The following RFX3 variants were observed in gnomAD, a reference collection of about 807,000 sequenced individuals.
RFX3 encodes regulatory factor X3.
RFX3 carries 14 observed loss-of-function variants against 98.6 expected under a neutral mutation model. The ratio of observed to expected loss-of-function variants is 0.14; its 90% confidence interval spans 0.09 to 0.22. The LOEUF is 0.22. RFX3 is among the 10% of genes least tolerant of loss of function. RFX3 has a pLI of 1.00. For missense variants in RFX3, 639 were observed against 926.9 expected (o/e 0.69, Z 4.03); for synonymous variants, 383 against 328.4 (o/e 1.17, Z -1.80).
At chr9:3,372,619 C>G (rs1311190787) in intron 2 of RFX3, among the ~76,000 whole-genome samples, 1 of 149,374 alleles carries the variant, frequency 6.7e-6, no homozygotes, top group East Asian at 2.0e-4. Context: ...GTGATCTTGG[C>G]TCACTGCAAC....
chr9:3,432,117 C>T (rs781599083), intron 1 of RFX3, among the ~76,000 whole-genome samples: 1 of 152,118 alleles, frequency 6.6e-6, no homozygotes, highest in African/African-American at 2.4e-5. Context: ...AAGATGAGAA[C>T]AGCTTTCTGG....
rs1469872923 is a variant in RFX3 at position 3,511,383 on chromosome 9, T to C, written c.-9+14364A>G. Among the ~76,000 whole-genome samples, 3 of 151,898 alleles carry C rather than the reference T, an allele frequency of 2.0e-5. No homozygotes were observed. In the East Asian group the frequency reaches 5.8e-4, roughly 29 times the overall value. On this transcript the variant is annotated intron_variant, in intron 1 of 16. Transcript: ENST00000617270. ...TTTTTGGCTATAGATTTTAGAATTG[T>C]AAAATAAACTTCTTTCATACCAGTC... is the stretch of plus-strand genomic sequence containing the variant.
intron 14 of RFX3, among the ~76,000 whole-genome samples, chr9:3,253,107 A>C (rs1273744362): frequency 6.6e-6 from 1 of 152,188 alleles, no homozygotes; most frequent in Non-Finnish European, 1.5e-5. Context: ...CAGAGTTGTA[A>C]ACGTTAATTA....
At chr9:3,504,941 T>TA (rs1564185899) in intron 1 of RFX3, among the ~76,000 whole-genome samples, 29 of 72,512 alleles carry the variant, frequency 4.0e-4, no homozygotes, top group Non-Finnish European at 4.2e-4. Flanking sequence ...ATATAATATA[T>TA]ATAATATAAT....
chr9:3,327,154 A>C (rs1216178930), intron 4 of RFX3, among the ~76,000 whole-genome samples: 2 of 152,166 alleles, frequency 1.3e-5, no homozygotes, highest in Non-Finnish European at 2.9e-5. Context: ...AAAGAAAAAT[A>C]TACATAAACT....
chr9:3,495,796 C>A (rs555188787), intron 1 of RFX3, among the ~76,000 whole-genome samples: 1 of 152,064 alleles, frequency 6.6e-6, no homozygotes, highest in Non-Finnish European at 1.5e-5. Context: ...ATAGCCACTG[C>A]CTAAACCAGT....
chr9:3,277,837 T>C (rs950515908), intron 7 of RFX3, among the ~76,000 whole-genome samples: 3 of 151,930 alleles, frequency 2.0e-5, no homozygotes, highest in East Asian at 1.9e-4. Flanking sequence ...TGAACAATGA[T>C]CTAGGAGCTC....
chr9:3,360,573 C>T (rs945550067), intron 2 of RFX3, among the ~76,000 whole-genome samples: 2 of 152,012 alleles, frequency 1.3e-5, no homozygotes, highest in Non-Finnish European at 2.9e-5. Context: ...CATTCATAAA[C>T]ACTAGATGAA....
chr9:3,306,797 G>C (rs1273015455), intron 4 of RFX3, among the ~76,000 whole-genome samples: 1 of 151,956 alleles, frequency 6.6e-6, no homozygotes, highest in African/African-American at 2.4e-5. Context: ...CTGGCATTCT[G>C]ATAAGGGCAG....
chr9:3,420,851 T>A, intron 1 of RFX3: 1 of 985,152 alleles, frequency 1.0e-6, no homozygotes, highest in Non-Finnish European at 1.2e-6. Flanking sequence ...TCTGTCCATT[T>A]AAATCCCTTA....
chr9:3,395,644 T>G, intron 1 of RFX3, 48 bp from the exon 2 acceptor site: 1 of 1,595,224 alleles, frequency 6.3e-7, no homozygotes, highest in Non-Finnish European at 8.6e-7. Context: ...CACTCCTGCA[T>G]GACTAGCTTC....
intron 4 of RFX3, among the ~76,000 whole-genome samples, chr9:3,303,102 G>T (rs184783328): frequency 6.6e-6 from 1 of 151,720 alleles, no homozygotes; most frequent in African/African-American, 2.4e-5. Context: ...AGAAACACAG[G>T]CTTCTAGAAA....
chr9:3,412,213 G>C (rs1250566401), intron 1 of RFX3, among the ~76,000 whole-genome samples: 2 of 152,068 alleles, frequency 1.3e-5, no homozygotes, highest in African/African-American at 4.8e-5. Context: ...CACTAATCAT[G>C]TTGTATTACT....
At chr9:3,473,107 T>C (rs929613370) in intron 1 of RFX3, among the ~76,000 whole-genome samples, 2 of 152,188 alleles carry the variant, frequency 1.3e-5, no homozygotes, top group African/African-American at 4.8e-5. Context: ...TCGACTTATA[T>C]ATCCCTTAAG....
chr9:3,430,121 A>G (rs1844512443), intron 1 of RFX3, among the ~76,000 whole-genome samples: 1 of 152,226 alleles, frequency 6.6e-6, no homozygotes, highest in African/African-American at 2.4e-5. Context: ...TGACCAATAT[A>G]ATTTTCAACG....
chr9:3,364,464 TG>T, intron 2 of RFX3: 1 of 263,576 alleles, frequency 3.8e-6, no homozygotes, highest in Middle Eastern at 1.3e-3. Context: ...GGAAGTTATT[TG>T]CTTCTTTGAA....
intron 11 of RFX3, among the ~76,000 whole-genome samples, chr9:3,267,721 A>G (rs1164110268): frequency 5.3e-5 from 8 of 152,032 alleles, no homozygotes; most frequent in East Asian, 1.9e-4. Flanking sequence ...TGTTAGTCAA[A>G]AAAAGAAAAA....
chr9:3,429,491 T>C (rs1274973807), intron 1 of RFX3, among the ~76,000 whole-genome samples: 1 of 151,848 alleles, frequency 6.6e-6, no homozygotes, highest in Non-Finnish European at 1.5e-5. Flanking sequence ...TTTCGGATTT[T>C]CTAGAAACCT....
chr9:3,375,265 G>A (rs775068308), intron 2 of RFX3, among the ~76,000 whole-genome samples: 3 of 152,170 alleles, frequency 2.0e-5, no homozygotes, highest in Non-Finnish European at 4.4e-5. Flanking sequence ...GAGTGCGCCT[G>A]ATAATACACT....
Sources: allele counts gnomAD v4.1 joint callset (sites outside exome capture counted in the v4.1 genomes callset), GRCh38; gene constraint gnomAD v4.1.1; transcripts MANE v1.5; gene names NCBI Gene and HGNC (gene_info 2026-07-23, HGNC 2026-07-21).